KMT5B: variants seen among roughly 807,000 people sequenced by gnomAD.
KMT5B encodes the protein lysine methyltransferase 5B.
A neutral mutation model predicts 83.2 loss-of-function variants in KMT5B; 10 were observed. The observed-to-expected ratio is 0.12, with a 90% CI of 0.07 to 0.20. KMT5B has a LOEUF of 0.20. Ranked by LOEUF, KMT5B falls within the 10% of genes least tolerant of loss-of-function variation. KMT5B has a pLI of 1.00. For missense variants in KMT5B, 753 were observed against 1,067.2 expected (o/e 0.71, Z 4.10); for synonymous variants, 349 against 388.8 (o/e 0.90, Z 1.20).
intron 3 of KMT5B, 137 bp from the exon 4 acceptor site, chr11:68,180,337 C>T: frequency 8.4e-7 from 1 of 1,191,808 alleles, no homozygotes; most frequent in South Asian, 1.5e-5. Context: ...CTTTAAGATA[C>T]CACAGGTGGG....
In KMT5B at chr11:68,158,884, A is replaced by T. The variant is rs770437412; in HGVS notation, c.1462T>A (p.Leu488Met). Residue 488 changes from leucine (L) to methionine (M), a missense_variant, in exon 11 of 11, where the codon TTG becomes ATG. Around this residue, in one of 9 missense-constraint regions of KMT5B, gnomAD observed 397 missense variants for 395.9 expected, o/e 1.00. Coordinates refer to ENST00000304363, the MANE Select transcript of KMT5B (RefSeq NM_017635.5). ...KEPKVVLYKN[L>M]PIKKDKEPEG... ...GGCTCCTTATCTTTTTTAATGGGCA[A>T]ATTTTTATACAGAACTACTTTAGGC... 2 of 1,614,044 alleles carry T rather than the reference A, an allele frequency of 1.2e-6. No individual in the cohort carries two copies. Among genetic ancestry groups the T allele is most frequent in the East Asian group, 4.5e-5 (2 of 44,884 alleles).
chr11:68,161,666 T>G (rs1385636535), intron 10 of KMT5B, among the ~76,000 whole-genome samples: 1 of 152,164 alleles, frequency 6.6e-6, no homozygotes, highest in African/African-American at 2.4e-5. Flanking sequence ...GTGACACTGA[T>G]AACCACTTTT....
intron 10 of KMT5B, among the ~76,000 whole-genome samples, chr11:68,160,942 C>T (rs184794358): frequency 6.6e-6 from 1 of 152,258 alleles, no homozygotes; most frequent in African/African-American, 2.4e-5. Context: ...AGTGAAACTT[C>T]CTCTCAGAAA....
Position 68,158,195 on chromosome 11 carries a change from T to C in KMT5B, c.2151A>G (p.Lys717=). 1 of 1,614,170 alleles carries C rather than the reference T, an allele frequency of 6.2e-7. No homozygotes were observed. Among genetic ancestry groups the C allele is most frequent in the Non-Finnish European group, 8.5e-7 (1 of 1,180,040 alleles). ...TATCATGACGCCTACGAAGAGTCAA[T>C]TTGGGAATCCCAGAGTTATTTTCTA... ...LILENNSGIP[K]LTLRRRHDSS... The change falls in exon 11 of 11, where the codon AAA becomes AAG. Residue 717 remains lysine, a synonymous_variant. Coordinates refer to ENST00000304363, the MANE Select transcript of KMT5B (RefSeq NM_017635.5).
intron 1 of KMT5B, among the ~76,000 whole-genome samples, chr11:68,199,242 T>C (rs982712684): frequency 1.3e-5 from 2 of 152,042 alleles, no homozygotes; most frequent in Non-Finnish European, 2.9e-5. Context: ...GCTTATATTC[T>C]AATGGAAAAA....
chr11:68,161,688 C>A (rs1386558145), intron 10 of KMT5B, among the ~76,000 whole-genome samples: 1 of 152,162 alleles, frequency 6.6e-6, no homozygotes, highest in African/African-American at 2.4e-5. Context: ...CTTGAGAAAA[C>A]CTTTCTTCTC....
chr11:68,173,727 A>C (rs1427552141), intron 6 of KMT5B, 77 bp downstream of exon 6: 3 of 1,016,894 alleles, frequency 3.0e-6, no homozygotes, highest in Non-Finnish European at 2.9e-6. Flanking sequence ...CCTTACCATG[A>C]ATTTCTCAGC....
intron 1 of KMT5B, among the ~76,000 whole-genome samples, chr11:68,202,923 T>C (rs1033202157): frequency 6.6e-6 from 1 of 152,184 alleles, no homozygotes; most frequent in African/African-American, 2.4e-5. Context: ...CCCGCTTTAA[T>C]TCTTTTGACG....
At chr11:68,201,860 C>T (rs1461282341) in intron 1 of KMT5B, among the ~76,000 whole-genome samples, 1 of 151,284 alleles carries the variant, frequency 6.6e-6, no homozygotes, top group Non-Finnish European at 1.5e-5. Flanking sequence ...CAGGTGGATT[C>T]CTTGAGCCCA....
At chr11:68,200,407 G>A (rs1244611431) in intron 1 of KMT5B, among the ~76,000 whole-genome samples, 3 of 152,214 alleles carry the variant, frequency 2.0e-5, no homozygotes, top group Non-Finnish European at 4.4e-5. Context: ...GTCTAAACTC[G>A]TGGAAAGGAT....
At chr11:68,190,357 C>T (rs1209983216) in intron 1 of KMT5B, among the ~76,000 whole-genome samples, 2 of 152,172 alleles carry the variant, frequency 1.3e-5, no homozygotes, top group Non-Finnish European at 2.9e-5. Context: ...TCATAAAATT[C>T]GTATTGCCTA....
At chr11:68,177,261 A>G (rs577846195) in intron 4 of KMT5B, among the ~76,000 whole-genome samples, 1 of 152,364 alleles carries the variant, frequency 6.6e-6, no homozygotes, top group East Asian at 1.9e-4. Context: ...GCATTGCTAT[A>G]GCACCTAAAA....
chr11:68,174,996 G>A (rs965787254), intron 5 of KMT5B, 22 bp downstream of exon 5: 2 of 1,600,788 alleles, frequency 1.2e-6, no homozygotes, highest in Non-Finnish European at 1.7e-6. Context: ...TAGGTTAACA[G>A]CATCAGTCTT....
chr11:68,212,228 T>C (rs1489136214), intron 1 of KMT5B, among the ~76,000 whole-genome samples: 2 of 152,188 alleles, frequency 1.3e-5, no homozygotes, highest in East Asian at 3.8e-4. Context: ...ACACTTTATA[T>C]CAAACTGGTT....
intron 1 of KMT5B, among the ~76,000 whole-genome samples, chr11:68,195,444 A>G (rs185116422): frequency 2.0e-4 from 30 of 152,320 alleles, no homozygotes; most frequent in East Asian, 1.5e-3. Flanking sequence ...TGTTTCTATA[A>G]AAGGTACAAC....
intron 1 of KMT5B, among the ~76,000 whole-genome samples, chr11:68,202,345 T>C (rs771234167): frequency 7.2e-5 from 11 of 152,146 alleles, no homozygotes; most frequent in Non-Finnish European, 1.0e-4. Context: ...GCTTGGCAGC[T>C]TCCCACCACA....
rs1388575631 is a variant in KMT5B, at chr11:68,205,020, C to T, written c.-77+8118G>A. 2.0e-5 allele frequency among the ~76,000 whole-genome samples: 3 copies of T among 151,970 alleles called. No individual in the cohort carries two copies. The South Asian group carries it at 6.2e-4, about 32-fold the overall frequency. Reference sequence around the variant, plus strand: ...CAAAGTAGAAACGCTTTACAGTTACCACACTCCAAAAATACATAAAATTCC... The same window carrying T: ...CAAAGTAGAAACGCTTTACAGTTACTACACTCCAAAAATACATAAAATTCC... On this transcript the variant is annotated intron_variant, in intron 1 of 10. Coordinates refer to ENST00000304363, the MANE Select transcript of KMT5B (RefSeq NM_017635.5).
chr11:68,181,862 CG>C (rs1239483285), intron 3 of KMT5B, among the ~76,000 whole-genome samples: 6 of 152,160 alleles, frequency 3.9e-5, no homozygotes, highest in Admixed American at 2.0e-4. Context: ...CACACGTAAA[CG>C]GAACACTCTG....
chr11:68,179,637 A>G, intron 4 of KMT5B: 1 of 1,235,696 alleles, frequency 8.1e-7, no homozygotes, highest in Non-Finnish European at 1.0e-6. Context: ...GGGGAACAGG[A>G]AGGGGAACAG....
Sources: allele counts gnomAD v4.1 joint callset (sites outside exome capture counted in the v4.1 genomes callset), GRCh38; gene constraint gnomAD v4.1.1; regional missense constraint gnomAD v4.1.1; transcripts MANE v1.5; gene names NCBI Gene and HGNC (gene_info 2026-07-23, HGNC 2026-07-21).